The following LOC114841035 variants were observed in gnomAD, a reference collection of about 807,000 sequenced individuals.
the LOC114841035 span, chr11:64,242,700 C>A: frequency 1.1e-6 from 1 of 902,844 alleles, no homozygotes; most frequent in Non-Finnish European, 1.6e-6. Flanking sequence ...CATGGTTCTG[C>A]CTTGCCCTTG....
At chr11:64,242,437 G>C in the LOC114841035 span, 1 of 1,552,856 alleles carries the variant, frequency 6.4e-7, no homozygotes, top group African/African-American at 1.4e-5. Flanking sequence ...ATCTGCCTGA[G>C]CGCCGTGGCC....
chr11:64,244,101 A>C, the LOC114841035 span: 1 of 1,538,356 alleles, frequency 6.5e-7, no homozygotes, highest in South Asian at 1.2e-5. Context: ...AACAAAAAAC[A>C]AAAACAAACA....
chr11:64,242,622 G>A, the LOC114841035 span: 2 of 1,484,754 alleles, frequency 1.3e-6, no homozygotes, highest in Non-Finnish European at 1.8e-6. Context: ...GAGTGCTTGG[G>A]AGTCTGGTTC....
the LOC114841035 span, among the ~76,000 whole-genome samples, chr11:64,242,905 T>C: frequency 6.6e-6 from 1 of 152,200 alleles, no homozygotes; most frequent in African/African-American, 2.4e-5. Flanking sequence ...TGAAACTTTC[T>C]CTGCTAAAAA....
At chr11:64,243,578 G>T in the LOC114841035 span, 2 of 1,532,514 alleles carry the variant, frequency 1.3e-6, no homozygotes, top group South Asian at 1.1e-5. Flanking sequence ...GCTTTTCATT[G>T]GTCTTCACCG....
At chr11:64,242,774 C>T in the LOC114841035 span, among the ~76,000 whole-genome samples, 1 of 152,200 alleles carries the variant, frequency 6.6e-6, no homozygotes, top group Non-Finnish European at 1.5e-5. Context: ...AAGGCTCTGT[C>T]CTCTTAAAGA....
the LOC114841035 span, chr11:64,243,841 G>C: frequency 3.1e-6 from 5 of 1,614,006 alleles, no homozygotes. Flanking sequence ...TCTTCAACAG[G>C]GTATGGAGAG....
At chr11:64,243,047 TG>T in the LOC114841035 span, 1 of 665,826 alleles carries the variant, frequency 1.5e-6, no homozygotes, top group Non-Finnish European at 2.7e-6. Context: ...ACTCCAGCCA[TG>T]GCAACAGAGA....
chr11:64,242,520 A>C, the LOC114841035 span: 1 of 1,551,502 alleles, frequency 6.4e-7, no homozygotes, highest in Non-Finnish European at 8.7e-7. Context: ...CTGTCCCATC[A>C]AATCGCGCAA....
the LOC114841035 span, chr11:64,242,043 T>G: frequency 4.5e-6 from 1 of 221,928 alleles, no homozygotes; most frequent in South Asian, 7.7e-5. Context: ...CCAGATAGGG[T>G]CTGGACTTTG....
the LOC114841035 span, chr11:64,243,081 G>T: frequency 1.2e-6 from 1 of 862,702 alleles, no homozygotes; most frequent in South Asian, 1.5e-5. Flanking sequence ...AAACAAAAAG[G>T]ACTGACCACC....
At chr11:64,243,357 A>G in the LOC114841035 span, 7 of 1,598,456 alleles carry the variant, frequency 4.4e-6, no homozygotes, top group Non-Finnish European at 6.0e-6. Context: ...GTGCATGGCC[A>G]CCGCCCAGGA....
chr11:64,241,325 G>A, the LOC114841035 span: 4 of 152,392 alleles, frequency 2.6e-5, no homozygotes, highest in Admixed American at 6.5e-5. Context: ...CGGAGTCCTG[G>A]GACTCGGGGC....
At chr11:64,242,839 G>A in the LOC114841035 span, among the ~76,000 whole-genome samples, 1 of 152,242 alleles carries the variant, frequency 6.6e-6, no homozygotes, top group Non-Finnish European at 1.5e-5. Flanking sequence ...ACTTTGGGAG[G>A]CCGAGGCGGG....
the LOC114841035 span, chr11:64,241,877 C>T: frequency 6.5e-6 from 1 of 152,968 alleles, no homozygotes; most frequent in East Asian, 1.9e-4. Context: ...GGGGGTATCT[C>T]CCGAGGACCC....
chr11:64,241,509 A>T, the LOC114841035 span, among the ~76,000 whole-genome samples: 1 of 124,440 alleles, frequency 8.0e-6, no homozygotes, highest in Non-Finnish European at 1.7e-5. Context: ...GACGGAGCGG[A>T]GGCGCTGGGG....
the LOC114841035 span, chr11:64,243,138 T>C: frequency 6.8e-7 from 1 of 1,479,248 alleles, no homozygotes; most frequent in Non-Finnish European, 9.4e-7. Context: ...GGAAAGCAGC[T>C]GAGGGAGGGG....
At chr11:64,243,295 G>T in the LOC114841035 span, 1 of 1,606,610 alleles carries the variant, frequency 6.2e-7, no homozygotes, top group South Asian at 1.1e-5. Context: ...CAAGGGCTGG[G>T]ACCAGGGGCT....
the LOC114841035 span, chr11:64,242,335 C>A: frequency 1.4e-6 from 2 of 1,462,094 alleles, no homozygotes; most frequent in Non-Finnish European, 1.8e-6. Context: ...TCCATACTCT[C>A]CCTGCCCTCC....
Sources: allele counts gnomAD v4.1 joint callset (sites outside exome capture counted in the v4.1 genomes callset), GRCh38; gene constraint gnomAD v4.1.1; transcripts MANE v1.5.